SPTB: variants seen among roughly 807,000 people sequenced by gnomAD.
The protein encoded by SPTB is spectrin beta, erythrocytic, also known as spectrin beta chain, erythrocytic.
SPTB carries 45 observed loss-of-function variants against 256.2 expected under a neutral mutation model. The ratio of observed to expected loss-of-function variants is 0.18; its 90% CI spans 0.14 to 0.23. The LOEUF (loss-of-function observed/expected upper bound fraction) is 0.23. SPTB is among the 10% of genes least tolerant of loss of function. The pLI is 1.00. For synonymous variants in SPTB, 1,231 were observed against 1,243.1 expected (o/e 0.99, Z 0.21); for missense variants, 2,715 against 3,040.4 (o/e 0.89, Z 2.52).
In SPTB at chr14:64,802,146, T is replaced by C; in HGVS notation, c.566+80A>G. ...TGTAGTTCTGGGTGATGATGTCTAA[T>C]GTCCCTCTGGAGATGGCAGTGCTTG... On this transcript the variant is annotated intron_variant, in intron 5 of 35. Coordinates refer to ENST00000644917, the MANE Select transcript of SPTB (RefSeq NM_001355436.2). The surrounding 1 kb of genome is among the most constrained non-coding windows in gnomAD (Gnocchi z 5.1). The C allele has an allele frequency of 2.3e-6, 3 of 1,327,592 alleles. No homozygotes were observed. Among genetic ancestry groups the C allele is most frequent in the Admixed American group, 1.7e-5 (1 of 57,202 alleles). The allele number at this position is 1,327,592 out of a possible 1,614,324, so 82.2% of individuals were successfully genotyped here.
chr14:64,782,172 A>G lies in SPTB; in HGVS notation c.4266+118T>C, dbSNP rs2082483019. Reference sequence around the variant, plus strand: ...CAATAAACCCCCATGACATGTGTTTATCTATGTGACAAACCTTCACATGTA... The same window carrying G: ...CAATAAACCCCCATGACATGTGTTTGTCTATGTGACAAACCTTCACATGTA... On this transcript the variant is annotated intron_variant, in intron 20 of 35. Transcript: ENST00000644917. 2.8e-6 allele frequency: 4 copies of G among 1,428,044 alleles called. No homozygotes were observed. In the South Asian group the frequency reaches 4.6e-5, roughly 17 times the overall value. The allele number at this position is 1,428,044 out of a possible 1,614,324, so 88.5% of individuals were successfully genotyped here.
rs2082522219 is a variant in SPTB at position 64,784,233 on chromosome 14, A to G, written c.4002+14T>C. Reference sequence around the variant, plus strand: ...GAGCAGAGCACCCACCCGCCGCCCAATCACTTTACTTACCGCATCGATGTT... The same window carrying G: ...GAGCAGAGCACCCACCCGCCGCCCAGTCACTTTACTTACCGCATCGATGTT... On this transcript the variant is annotated intron_variant, in intron 19 of 35. Transcript: ENST00000644917. 1.2e-6 allele frequency: 2 copies of G among 1,614,152 alleles called. No homozygotes were observed. The highest frequency in any genetic ancestry group is 1.7e-6 in the Non-Finnish European group (2 of 1,180,000).
At chr14:64,868,528 TGAG>T (rs1454280841) in intron 1 of SPTB, among the ~76,000 whole-genome samples, 1 of 152,162 alleles carries the variant, frequency 6.6e-6, no homozygotes, top group Non-Finnish European at 1.5e-5. Flanking sequence ...GATCTGGGAC[TGAG>T]GAGGAGGTCA....
chr14:64,811,588 A>T (rs1382755474), intron 2 of SPTB, among the ~76,000 whole-genome samples: 1 of 152,230 alleles, frequency 6.6e-6, no homozygotes. Context: ...TTAGGGGGAA[A>T]GTATGATGAT....
At chr14:64,763,163 C>A (rs769052693) in intron 32 of SPTB, among the ~76,000 whole-genome samples, 18 of 152,252 alleles carry the variant, frequency 1.2e-4, no homozygotes, top group Non-Finnish European at 1.5e-4. Context: ...ACACATTACA[C>A]TGGGGCTTCT....
At chr14:64,831,524 C>T (rs767929308) in intron 1 of SPTB, among the ~76,000 whole-genome samples, 1 of 152,208 alleles carries the variant, frequency 6.6e-6, no homozygotes, top group Non-Finnish European at 1.5e-5. Flanking sequence ...CAAACATTAG[C>T]AAGCTGGGTC....
chr14:64,813,007 A>G (rs542251980), intron 2 of SPTB, among the ~76,000 whole-genome samples: 1 of 152,332 alleles, frequency 6.6e-6, no homozygotes, highest in Non-Finnish European at 1.5e-5. Context: ...GTTGTTGAAT[A>G]AATTTCAATG....
At chr14:64,831,538 C>G (rs1484762432) in intron 1 of SPTB, among the ~76,000 whole-genome samples, 1 of 152,216 alleles carries the variant, frequency 6.6e-6, no homozygotes, top group Non-Finnish European at 1.5e-5. Flanking sequence ...CTGGGTCATG[C>G]TGAATATAGA....
rs780029660 is a variant in SPTB, at chr14:64,873,598, G to A, written c.-52+6194C>T. On this transcript the variant is annotated intron_variant, in intron 1 of 35. Transcript: ENST00000644917. The surrounding 1 kb of genome is among the most constrained non-coding windows in gnomAD (Gnocchi z 4.3). ...TCTGGAGGGCCATTCTTGAGGTTCTGTGGCTATGGTAAAGGGTAATACCAT... is the reference window on the plus strand; with the variant it reads ...TCTGGAGGGCCATTCTTGAGGTTCTATGGCTATGGTAAAGGGTAATACCAT... 1.3e-5 allele frequency among the ~76,000 whole-genome samples: 2 copies of A among 152,194 alleles called. No individual in the cohort carries two copies. The highest frequency in any genetic ancestry group is 2.9e-5 in the Non-Finnish European group (2 of 68,034).
Position 64,826,758 on chromosome 14 carries a change from G to C in SPTB, c.-51-3613C>G, listed in dbSNP as rs1445686096. On this transcript the variant is annotated intron_variant, in intron 1 of 35. Transcript: ENST00000644917. This position sits in a 1 kb window ranked among gnomAD's most constrained non-coding sequence, Gnocchi z 4.4. Reference sequence around the variant, plus strand: ...ACTCTGTGCCCAGAGAGGTCCACCTGCCCCATCCATCCATCCACCTGCCCG... The same window carrying C: ...ACTCTGTGCCCAGAGAGGTCCACCTCCCCCATCCATCCATCCACCTGCCCG... 6.6e-6 allele frequency among the ~76,000 whole-genome samples: 1 copy of C among 152,044 alleles called. No individual in the cohort carries two copies. The highest frequency in any genetic ancestry group is 1.5e-5 in the Non-Finnish European group (1 of 68,014).
At position 64,806,959 on chromosome 14, in the gene SPTB, C is replaced by T. The variant is rs1293045568; in HGVS notation, c.149-1869G>A. On this transcript the variant is annotated intron_variant, in intron 2 of 35. Transcript: ENST00000644917. This position sits in a 1 kb window ranked among gnomAD's most constrained non-coding sequence, Gnocchi z 4.1. ...AGTTTCAGCGAGAAAACTCCCCTTA[C>T]CCTTTTGTCAACAGCAAATTAAACC... Among the ~76,000 whole-genome samples, 4 of 152,224 alleles carry T rather than the reference C, an allele frequency of 2.6e-5. No individual in the cohort carries two copies. Among genetic ancestry groups the T allele is most frequent in the African/African-American group, 9.6e-5 (4 of 41,454 alleles).
chr14:64,751,927 CAAAAAAAAA>C (rs374561563), intron 33 of SPTB, among the ~76,000 whole-genome samples: 1 of 71,940 alleles, frequency 1.4e-5, no homozygotes, highest in Non-Finnish European at 2.9e-5. Flanking sequence ...ACTAAAAATG[CAAAAAAAAA>C]AAAAAAAATT....
rs2082744650 is a variant in SPTB at position 64,795,256 on chromosome 14, G to A, written c.1644+81C>T. On this transcript the variant is annotated intron_variant, in intron 12 of 35. Transcript: ENST00000644917. The surrounding 1 kb of genome is among the most constrained non-coding windows in gnomAD (Gnocchi z 6.5). ...ATATGACTGGCTGGGAGGTGTCTAAGGAAGCCTATGCTAACTGCAGGGCCA... is the reference window on the plus strand; with the variant it reads ...ATATGACTGGCTGGGAGGTGTCTAAAGAAGCCTATGCTAACTGCAGGGCCA... The A allele has an allele frequency of 1.3e-6, 2 of 1,525,098 alleles. No homozygotes were observed. Among genetic ancestry groups the A allele is most frequent in the African/African-American group, 1.4e-5 (1 of 73,190 alleles). The allele number at this position is 1,525,098 out of a possible 1,614,324, so 94.5% of individuals were successfully genotyped here. A position where few individuals can be genotyped will look rare whatever the true frequency, so the allele number is the denominator to read the frequency against.
In SPTB at chr14:64,793,999, C is replaced by T. The variant is rs1222589216; in HGVS notation, c.1796-132G>A. 1 of 764,014 alleles carries T rather than the reference C, an allele frequency of 1.3e-6. No homozygotes were observed. Among genetic ancestry groups the T allele is most frequent in the East Asian group, 2.7e-5 (1 of 37,328 alleles). The allele number at this position is 764,014 out of a possible 1,614,324, so 47.3% of individuals were successfully genotyped here. A position where few individuals can be genotyped will look rare whatever the true frequency, so the allele number is the denominator to read the frequency against. ...GTCACTGGGGCTTTGGGGTTGGATG[C>T]AGGGGGGTCCCAGTTGCTCAGAGGG... is the stretch of plus-strand genomic sequence containing the variant. On this transcript the variant is annotated intron_variant, in intron 13 of 35. Transcript: ENST00000644917. This position sits in a 1 kb window ranked among gnomAD's most constrained non-coding sequence, Gnocchi z 7.0.
intron 1 of SPTB, among the ~76,000 whole-genome samples, chr14:64,831,755 G>A (rs528281901): frequency 1.3e-5 from 2 of 152,340 alleles, no homozygotes; most frequent in South Asian, 4.1e-4. Context: ...CCACCACTGG[G>A]GCAGGGACAG....
intron 32 of SPTB, chr14:64,756,978 A>C (rs958928529): frequency 3.3e-5 from 5 of 152,386 alleles, no homozygotes; most frequent in Non-Finnish European, 7.3e-5. Context: ...TGGGACTGGA[A>C]GCCTGGGCTT....
intron 27 of SPTB, among the ~76,000 whole-genome samples, chr14:64,770,311 T>G (rs1036156918): frequency 3.3e-5 from 5 of 152,126 alleles, no homozygotes; most frequent in African/African-American, 7.2e-5. Flanking sequence ...GTGTGGTATG[T>G]GAATTATATC....
intron 1 of SPTB, among the ~76,000 whole-genome samples, chr14:64,842,796 T>C (rs1283830101): frequency 1.3e-5 from 2 of 152,078 alleles, no homozygotes; most frequent in Non-Finnish European, 2.9e-5. Flanking sequence ...AATGGGGACA[T>C]ATAGGCTGGA....
At chr14:64,863,791 T>G (rs1881996649) in intron 1 of SPTB, among the ~76,000 whole-genome samples, 1 of 152,228 alleles carries the variant, frequency 6.6e-6, no homozygotes, top group Non-Finnish European at 1.5e-5. Context: ...GAGAATAGCA[T>G]CGGCTTTTGG....
Sources: allele counts gnomAD v4.1 joint callset (sites outside exome capture counted in the v4.1 genomes callset), GRCh38; gene constraint gnomAD v4.1.1; non-coding constraint Gnocchi (gnomAD v3.1); transcripts MANE v1.5; gene names NCBI Gene and HGNC (gene_info 2026-07-23, HGNC 2026-07-21).